KIAA1755: variants seen among roughly 807,000 people sequenced by gnomAD.
KIAA1755 encodes uncharacterized protein KIAA1755.
KIAA1755 carries 68 observed loss-of-function variants against 91.7 expected under a neutral mutation model. That is an observed-to-expected ratio of 0.74 (90% CI 0.61 to 0.91). The LOEUF is 0.91. Ranked by LOEUF, KIAA1755 falls within the 40% of genes least tolerant of loss-of-function variation. The pLI is 0.00. For missense variants in KIAA1755, 1,535 were observed against 1,494.4 expected (o/e 1.03, Z -0.45); for synonymous variants, 610 against 604.6 (o/e 1.01, Z -0.13).
chr20:38,251,966 T>G (rs891669715), intron 1 of KIAA1755, among the ~76,000 whole-genome samples: 8 of 152,164 alleles, frequency 5.3e-5, no homozygotes, highest in African/African-American at 1.7e-4. Context: ...CTGTAACCAC[T>G]TACCCAGATC....
At chr20:38,255,473 C>T (rs564775041) in intron 1 of KIAA1755, among the ~76,000 whole-genome samples, 2 of 152,316 alleles carry the variant, frequency 1.3e-5, no homozygotes, top group African/African-American at 4.8e-5. Flanking sequence ...AGTAAAACCT[C>T]CCAATTTTGA....
At position 38,240,826 on chromosome 20, in the gene KIAA1755, A is replaced by G. The variant is rs368837524; in HGVS notation, c.1305T>C (p.Ser435=). 50 of 1,613,896 alleles carry G rather than the reference A, an allele frequency of 3.1e-5. No individual in the cohort carries two copies. Among genetic ancestry groups the G allele is most frequent in the Non-Finnish European group, 5.9e-6 (7 of 1,179,974 alleles). ...LSPASPAAAA[S]ETKIEVKTKE... Reference sequence around the variant, plus strand: ...TGGTCTTCACCTCTATCTTTGTTTCAGAGGCTGCAGCTGCAGGAGAAGCTG... The same window carrying G: ...TGGTCTTCACCTCTATCTTTGTTTCGGAGGCTGCAGCTGCAGGAGAAGCTG... Residue 435 remains serine, a synonymous_variant, in exon 3 of 14, where the codon TCT becomes TCC. Transcript: ENST00000279024.
chr20:38,213,147 C>T lies in KIAA1755; in HGVS notation c.3498G>A (p.Gln1166=). The part of the protein sequence containing the change: ...TTFFRQQPPR[Q]SQVPRLTGGS... Reference sequence around the variant, plus strand: ...CCCCAGTGAGGCGAGGGACCTGGCTCTGCCTGGGGGGCTGCTGCCGGAAGA... The same window carrying T: ...CCCCAGTGAGGCGAGGGACCTGGCTTTGCCTGGGGGGCTGCTGCCGGAAGA... Residue 1166 remains glutamine (Q), a synonymous_variant, in exon 14 of 14, where the codon CAG becomes CAA. Transcript: ENST00000279024. 1 of 1,613,322 alleles carries T rather than the reference C, an allele frequency of 6.2e-7. No homozygotes were observed. The highest frequency in any genetic ancestry group is 1.3e-5 in the African/African-American group (1 of 75,056).
intron 9 of KIAA1755, chr20:38,222,935 T>G: frequency 2.8e-6 from 1 of 362,130 alleles, no homozygotes; most frequent in Non-Finnish European, 5.2e-6. Context: ...GGTTTAAAAC[T>G]CTCCAGTGGC....
chr20:38,241,621 T>A lies in KIAA1755; in HGVS notation c.510A>T (p.Glu170Asp), dbSNP rs757538665. The A allele has an allele frequency of 4.3e-6, 7 of 1,614,256 alleles. No individual in the cohort carries two copies. Among genetic ancestry groups the A allele is most frequent in the Non-Finnish European group, 5.9e-6 (7 of 1,180,032 alleles). ...NPLHNCLVAS[E>D]NGIAPVPWTK... ...TCCAAGGCACAGGGGCAATCCCATTTTCTGATGCTACCAAGCAGTTGTGTA... is the reference window on the plus strand; with the variant it reads ...TCCAAGGCACAGGGGCAATCCCATTATCTGATGCTACCAAGCAGTTGTGTA... The change falls in exon 3 of 14, where the codon GAA becomes GAT. Residue 170 changes from glutamate to aspartate, a missense_variant. By Grantham distance (45) the Glu-to-Asp change is conservative. Transcript: ENST00000279024.
At chr20:38,256,523 C>G (rs1265667752) in intron 1 of KIAA1755, among the ~76,000 whole-genome samples, 2 of 152,090 alleles carry the variant, frequency 1.3e-5, no homozygotes, top group Non-Finnish European at 2.9e-5. Flanking sequence ...TATTTTTTGG[C>G]TGGGTGTGGC....
chr20:38,214,729 C>T (rs1418310709), intron 13 of KIAA1755, among the ~76,000 whole-genome samples: 1 of 152,238 alleles, frequency 6.6e-6, no homozygotes, highest in African/African-American at 2.4e-5. Context: ...CGAGCCTCTG[C>T]CTCATTTTGT....
chr20:38,227,591 T>G (rs950544484), intron 6 of KIAA1755, among the ~76,000 whole-genome samples: 7 of 152,194 alleles, frequency 4.6e-5, no homozygotes, highest in African/African-American at 1.7e-4. Flanking sequence ...TCTTCTCTCC[T>G]CCCTTCTCAG....
intron 12 of KIAA1755, chr20:38,217,775 A>G: frequency 1.9e-6 from 1 of 523,302 alleles, no homozygotes; most frequent in East Asian, 3.3e-5. Flanking sequence ...CTCTGACTCC[A>G]AAGGCTCCTG....
intron 7 of KIAA1755, among the ~76,000 whole-genome samples, 193 bp from the exon 8 acceptor site, chr20:38,225,974 G>A (rs1439474911): frequency 6.6e-6 from 1 of 152,212 alleles, no homozygotes; most frequent in Non-Finnish European, 1.5e-5. Context: ...ACCAGACCCT[G>A]GTTAGGGAAT....
intron 5 of KIAA1755, 32 bp from the exon 6 acceptor site, chr20:38,228,272 C>G: frequency 6.5e-7 from 1 of 1,548,150 alleles, no homozygotes; most frequent in East Asian, 2.4e-5. Flanking sequence ...GACAGTCTTG[C>G]TGGATGGCCT....
Position 38,217,404 on chromosome 20 carries a change from C to T in KIAA1755, c.2750G>A (p.Gly917Glu). The change falls in exon 13 of 14, where the codon GGG (glycine) becomes GAG (glutamate). Residue 917 changes from glycine to glutamate, a missense_variant. By Grantham distance (98) the Gly-to-Glu change is moderately conservative. Coordinates refer to ENST00000279024, the MANE Select transcript of KIAA1755 (RefSeq NM_001029864.2). ...TGGGAACTCTGCACGTTCTGCCTCC[C>T]CAGCCCCTCTGGCTGTAGCTCCCAG... ...AQLGATARGA[G>E]EAERAEFPEL... 1 of 1,613,368 alleles carries T rather than the reference C, an allele frequency of 6.2e-7. No individual in the cohort carries two copies. Among genetic ancestry groups the T allele is most frequent in the Non-Finnish European group, 8.5e-7 (1 of 1,179,746 alleles).
intron 8 of KIAA1755, among the ~76,000 whole-genome samples, 154 bp from the exon 9 acceptor site, chr20:38,223,790 C>T (rs1443779098): frequency 6.6e-6 from 1 of 152,208 alleles, no homozygotes; most frequent in African/African-American, 2.4e-5. Context: ...AACACAGGCT[C>T]TGGGCTCTGC....
chr20:38,259,158 G>A (rs1469644603), intron 1 of KIAA1755, among the ~76,000 whole-genome samples: 5 of 152,168 alleles, frequency 3.3e-5, no homozygotes, highest in African/African-American at 1.2e-4. Context: ...ACTGACTCCT[G>A]GATGTAAATC....
chr20:38,223,463 C>G, intron 9 of KIAA1755, 75 bp downstream of exon 9: 1 of 977,230 alleles, frequency 1.0e-6, no homozygotes, highest in Middle Eastern at 2.1e-4. Flanking sequence ...CCCAGGCCGT[C>G]CCCTTCTCGA....
chr20:38,258,790 A>T (rs904410782), intron 1 of KIAA1755, among the ~76,000 whole-genome samples: 1 of 152,198 alleles, frequency 6.6e-6, no homozygotes, highest in Admixed American at 6.5e-5. Flanking sequence ...AACAACCTTT[A>T]TTCTTTAAAA....
At chr20:38,218,447 TGAG>T in intron 11 of KIAA1755, 81 bp from the exon 12 acceptor site, 1 of 1,562,366 alleles carries the variant, frequency 6.4e-7, no homozygotes, top group East Asian at 2.3e-5. Flanking sequence ...CCTTGCAGGC[TGAG>T]GTCTTCTGTC....
At position 38,217,001 on chromosome 20, in the gene KIAA1755, C is replaced by A. The variant is rs1243996916; in HGVS notation, c.2901+252G>T. 1.2e-5 allele frequency: 8 copies of A among 672,406 alleles called. No homozygotes were observed. The East Asian group carries it at 2.2e-4, about 19-fold the overall frequency. The allele number at this position is 672,406 out of a possible 1,614,324, so 41.7% of individuals were successfully genotyped here. On this transcript the variant is annotated intron_variant, in intron 13 of 13. Coordinates refer to ENST00000279024, the MANE Select transcript of KIAA1755 (RefSeq NM_001029864.2). ...CCCTTCCTCTGTTTTTTTCCTGTTA[C>A]AAGACTTGGGGAGTGAATCACGATG...
chr20:38,249,090 G>C (rs2076204639), intron 1 of KIAA1755, among the ~76,000 whole-genome samples: 1 of 152,126 alleles, frequency 6.6e-6, no homozygotes, highest in Non-Finnish European at 1.5e-5. Flanking sequence ...TGCCCAGGCT[G>C]GTCTTGAACT....
Sources: gnomAD v4.1 joint callset for allele counts (sites outside exome capture counted in the v4.1 genomes callset) on GRCh38, gnomAD v4.1.1 for gene constraint, MANE v1.5 for transcripts, NCBI Gene and HGNC (gene_info 2026-07-23, HGNC 2026-07-21) for gene names.